CNKSR3: variants seen among roughly 807,000 people sequenced by gnomAD.
The protein encoded by CNKSR3 is CNKSR family member 3.
In CNKSR3, 36 loss-of-function variants were observed where a neutral mutation model predicts 67.7. That is an observed-to-expected ratio of 0.53 (90% CI 0.41 to 0.70). The LOEUF (loss-of-function observed/expected upper bound fraction) is 0.70. Ranked by LOEUF, CNKSR3 falls within the 30% of genes least tolerant of loss-of-function variation. The probability of loss-of-function intolerance (pLI) is 0.00; values close to 1 mark genes in which losing one functional copy is unlikely to be tolerated. For synonymous variants in CNKSR3, 281 were observed against 271.4 expected (o/e 1.04, Z -0.35); for missense variants, 630 against 695.2 (o/e 0.91, Z 1.05).
chr6:154,410,299 C>A lies in CNKSR3; in HGVS notation c.1369+44G>T, dbSNP rs768862819. The A allele has an allele frequency of 1.0e-5, 14 of 1,382,058 alleles. No homozygotes were observed. In the South Asian group the frequency reaches 1.5e-4, roughly 15 times the overall value. 85.6% of individuals were successfully genotyped at this position (1,382,058 alleles called of 1,614,324 possible). On this transcript the variant is annotated intron_variant, in intron 12 of 12. Transcript: ENST00000607772. ...GGTGAAACCAGGCCCTGGGGCTGTT[C>A]ACTCCCCATTTGCTGTTCCTTGGTT...
At chr6:154,493,103 T>G (rs1459757425) in intron 1 of CNKSR3, among the ~76,000 whole-genome samples, 2 of 152,128 alleles carry the variant, frequency 1.3e-5, no homozygotes, top group Non-Finnish European at 2.9e-5. Context: ...GCCAAAGTAC[T>G]GATCAGGTCT....
intron 1 of CNKSR3, among the ~76,000 whole-genome samples, chr6:154,503,106 C>T (rs1048845446): frequency 2.0e-5 from 3 of 152,174 alleles, no homozygotes; most frequent in African/African-American, 4.8e-5. Flanking sequence ...CCTGAAATGA[C>T]ATTTGGTGTC....
rs1340283690 is a variant in CNKSR3, at chr6:154,472,532, T to A, written c.53-22274A>T. Among the ~76,000 whole-genome samples the A allele has an allele frequency of 4.6e-5, 7 of 152,082 alleles. No individual in the cohort carries two copies. The East Asian group carries it at 1.4e-3, about 29-fold the overall frequency. ...TTTCGTATCTCGGGATACCTATCATTTCCCTTCCTAGCACATCTCGCTATG... is the reference window on the plus strand; with the variant it reads ...TTTCGTATCTCGGGATACCTATCATATCCCTTCCTAGCACATCTCGCTATG... On this transcript the variant is annotated intron_variant, in intron 1 of 12. Transcript: ENST00000607772.
intron 1 of CNKSR3, among the ~76,000 whole-genome samples, chr6:154,472,501 C>A (rs1786350842): frequency 6.6e-6 from 1 of 152,136 alleles, no homozygotes; most frequent in Non-Finnish European, 1.5e-5. Flanking sequence ...CTCTAAATCC[C>A]CCTTATTTCG....
chr6:154,432,501 C>T (rs1562329857), intron 5 of CNKSR3, among the ~76,000 whole-genome samples: 1 of 152,174 alleles, frequency 6.6e-6, no homozygotes, highest in Non-Finnish European at 1.5e-5. Flanking sequence ...GTGCATTTCA[C>T]ATAGCAGTTT....
At position 154,412,116 on chromosome 6, in the gene CNKSR3, T is replaced by A. The variant is rs529780532; in HGVS notation, c.1071-974A>T. Among the ~76,000 whole-genome samples the A allele has an allele frequency of 9.8e-5, 15 of 152,286 alleles. No individual in the cohort carries two copies. In the South Asian group the frequency reaches 2.5e-3, roughly 25 times the overall value. ...AAAAACTGCTAGACAAAATACAGAA[T>A]CAACTGAGTCCCAAAGCAATCTACT... On this transcript the variant is annotated intron_variant, in intron 10 of 12. Transcript: ENST00000607772.
At chr6:154,425,705 C>A (rs556118427) in intron 7 of CNKSR3, among the ~76,000 whole-genome samples, 3 of 142,230 alleles carry the variant, frequency 2.1e-5, no homozygotes, top group Non-Finnish European at 3.1e-5. Flanking sequence ...ATGATCCTGG[C>A]CTCTCAGGTA....
chr6:154,506,651 G>A (rs1787110229), intron 1 of CNKSR3, among the ~76,000 whole-genome samples: 1 of 152,226 alleles, frequency 6.6e-6, no homozygotes, highest in South Asian at 2.1e-4. Flanking sequence ...ACGAATGGCT[G>A]AACAAGATGG....
intron 1 of CNKSR3, among the ~76,000 whole-genome samples, chr6:154,485,567 G>A (rs1326805932): frequency 6.6e-6 from 1 of 152,174 alleles, no homozygotes; most frequent in African/African-American, 2.4e-5. Context: ...AAACGCATCA[G>A]GTATGAGTCC....
chr6:154,456,462 C>T (rs775552483), intron 1 of CNKSR3, among the ~76,000 whole-genome samples: 3 of 151,014 alleles, frequency 2.0e-5, no homozygotes, highest in Non-Finnish European at 2.9e-5. Context: ...CTTTGAGAGG[C>T]CAAGGAGGGT....
At chr6:154,477,184 G>A (rs1037385515) in intron 1 of CNKSR3, among the ~76,000 whole-genome samples, 1 of 151,718 alleles carries the variant, frequency 6.6e-6, no homozygotes, top group Admixed American at 6.6e-5. Flanking sequence ...AATTCCTTCA[G>A]ATTTTTCAAT....
chr6:154,393,502 T>C lies in CNKSR3; in HGVS notation c.*12852A>G, dbSNP rs1784629448. 6.6e-6 allele frequency: 1 copy of C among 152,226 alleles called. No homozygotes were observed. The highest frequency in any genetic ancestry group is 1.5e-5 in the Non-Finnish European group (1 of 68,040). The allele number at this position is 152,226 out of a possible 1,614,324, so 9.4% of individuals were successfully genotyped here. On this transcript the variant is annotated 3_prime_UTR_variant, in exon 13 of 13. Coordinates refer to ENST00000607772, the MANE Select transcript of CNKSR3 (RefSeq NM_173515.4). ...TTTGCAAAATGCCTTTTCGCTCGTT[T>C]TTGTGTTGATTTGTCATTCTCTTGC... is the stretch of plus-strand genomic sequence containing the variant.
chr6:154,466,801 T>A (rs1354508395), intron 1 of CNKSR3, among the ~76,000 whole-genome samples: 2 of 151,118 alleles, frequency 1.3e-5, no homozygotes, highest in African/African-American at 2.4e-5. Flanking sequence ...TTTGTTTTTT[T>A]TTTTTATAGA....
chr6:154,490,489 CAATAT>C (rs1488779153), intron 1 of CNKSR3, among the ~76,000 whole-genome samples: 2 of 152,004 alleles, frequency 1.3e-5, no homozygotes, highest in African/African-American at 4.8e-5. Context: ...TATACGTATA[CAATAT>C]ATCTAATATG....
chr6:154,507,620 G>C (rs975560600), intron 1 of CNKSR3, among the ~76,000 whole-genome samples: 1 of 152,120 alleles, frequency 6.6e-6, no homozygotes, highest in African/African-American at 2.4e-5. Context: ...TATCATCTTA[G>C]CCATCTTTTT....
Position 154,404,529 on chromosome 6 carries a change from G to A in CNKSR3, c.*1825C>T, listed in dbSNP as rs953027429. ...CTTCATGGCAGTTGTCTTAGAGGTA[G>A]AGAAGAAAACAGCCAGACTGAGCCG... On this transcript the variant is annotated 3_prime_UTR_variant, in exon 13 of 13. Transcript: ENST00000607772. The A allele has an allele frequency of 6.6e-6, 1 of 152,290 alleles. No individual in the cohort carries two copies. The highest frequency in any genetic ancestry group is 2.4e-5 in the African/African-American group (1 of 41,458). 9.4% of individuals were successfully genotyped at this position (152,290 alleles called of 1,614,324 possible). A position where few individuals can be genotyped will look rare whatever the true frequency, so the allele number is the denominator to read the frequency against.
In CNKSR3 at chr6:154,505,655, A is replaced by G. The variant is rs181364179; in HGVS notation, c.52+4408T>C. Reference sequence around the variant, plus strand: ...TGGGACTACAGGCGCCCACCACCACACCCGGCTAATTTTTTTTGTATTTTT... The same window carrying G: ...TGGGACTACAGGCGCCCACCACCACGCCCGGCTAATTTTTTTTGTATTTTT... On this transcript the variant is annotated intron_variant, in intron 1 of 12. Coordinates refer to ENST00000607772, the MANE Select transcript of CNKSR3 (RefSeq NM_173515.4). 7.6e-3 allele frequency among the ~76,000 whole-genome samples: 1,138 copies of G among 149,980 alleles called. 4 individuals are homozygous for G. Among genetic ancestry groups the G allele is most frequent in the African/African-American group, 0.019 (776 of 41,088 alleles).
intron 1 of CNKSR3, among the ~76,000 whole-genome samples, chr6:154,479,672 G>A (rs1421975275): frequency 1.3e-5 from 2 of 152,160 alleles, no homozygotes; most frequent in African/African-American, 2.4e-5. Context: ...AACACAGAAC[G>A]AAAATTATGG....
In CNKSR3 at chr6:154,394,639, G is replaced by C. The variant is rs200116977; in HGVS notation, c.*11715C>G. On this transcript the variant is annotated 3_prime_UTR_variant, in exon 13 of 13. Transcript: ENST00000607772. The stretch of plus-strand genomic sequence containing the variant: ...TAAAAAAAAAAAAAAAAAAAAAGAA[G>C]AATTCCAAAGGAAACAGAAGAAAAT... 7.4e-6 allele frequency: 1 copy of C among 135,890 alleles called. No individual in the cohort carries two copies. Among genetic ancestry groups the C allele is most frequent in the East Asian group, 2.2e-4 (1 of 4,644 alleles). The allele number at this position is 135,890 out of a possible 1,614,324, so 8.4% of individuals were successfully genotyped here. A position where few individuals can be genotyped will look rare whatever the true frequency, so the allele number is the denominator to read the frequency against.
Sources: gnomAD v4.1 joint callset for allele counts (sites outside exome capture counted in the v4.1 genomes callset) on GRCh38, gnomAD v4.1.1 for gene constraint, MANE v1.5 for transcripts, NCBI Gene and HGNC (gene_info 2026-07-23, HGNC 2026-07-21) for gene names.